Variants in PRKAR2A observed in about 807,000 individuals in gnomAD.
PRKAR2A encodes the protein cAMP-dependent protein kinase type II-alpha regulatory subunit.
In PRKAR2A, 29 loss-of-function variants were observed where a neutral mutation model predicts 51.9. The observed-to-expected ratio is 0.56, with a 90% CI of 0.42 to 0.76. The LOEUF (loss-of-function observed/expected upper bound fraction) is 0.76. PRKAR2A is among the 30% of genes least tolerant of loss of function. The pLI is 0.00. For synonymous variants in PRKAR2A, 178 were observed against 186.2 expected (o/e 0.96, Z 0.36); for missense variants, 445 against 512.1 (o/e 0.87, Z 1.26).
In PRKAR2A at chr3:48,766,049, G is replaced by A. The variant is rs542346273; in HGVS notation, c.697-700C>T. Among the ~76,000 whole-genome samples the A allele has an allele frequency of 8.6e-5, 13 of 151,896 alleles. No individual in the cohort carries two copies. The South Asian group carries it at 2.7e-3, about 32-fold the overall frequency. ...CAGCCTAGGCAACATGGTGAAACAC[G>A]CTCTCTACGAAAAAATACACAAAAA... On this transcript the variant is annotated intron_variant, in intron 6 of 10. Transcript: ENST00000265563.
intron 1 of PRKAR2A, among the ~76,000 whole-genome samples, chr3:48,834,013 C>T (rs1380104492): frequency 7.6e-6 from 1 of 131,670 alleles, no homozygotes; most frequent in Non-Finnish European, 1.6e-5. Context: ...CCAGGCTGGG[C>T]AACAAAGCAA....
At chr3:48,823,107 T>C (rs2082996583) in intron 1 of PRKAR2A, among the ~76,000 whole-genome samples, 1 of 151,940 alleles carries the variant, frequency 6.6e-6, no homozygotes, top group Non-Finnish European at 1.5e-5. Flanking sequence ...GGTCTCACCA[T>C]GTTGTCCAGG....
intron 1 of PRKAR2A, among the ~76,000 whole-genome samples, chr3:48,811,381 G>A (rs2082767710): frequency 6.6e-6 from 1 of 152,110 alleles, no homozygotes; most frequent in South Asian, 2.1e-4. Context: ...ATGCTGAGGT[G>A]GGAGGATGGC....
rs569463571 is a variant in PRKAR2A, at chr3:48,818,244, A to T, written c.263-10560T>A. Among the ~76,000 whole-genome samples the T allele has an allele frequency of 1.6e-4, 24 of 152,346 alleles. No individual in the cohort carries two copies. The South Asian group carries it at 5.0e-3, about 32-fold the overall frequency. ...TCCTGTTAAAAGCAAAAATCAGCCT[A>T]TTAAGAAACCAAAAGCCGAAGAGCT... On this transcript the variant is annotated intron_variant, in intron 1 of 10. Coordinates refer to ENST00000265563, the MANE Select transcript of PRKAR2A (RefSeq NM_004157.4).
intron 1 of PRKAR2A, among the ~76,000 whole-genome samples, chr3:48,836,419 T>TAAAAAAAAAAAAAAAAAAAAAAAAAAAAA (rs548970318): frequency 8.9e-5 from 5 of 56,094 alleles, no homozygotes; most frequent in Non-Finnish European, 1.3e-4. Flanking sequence ...AGACTCCGTC[T>TAAAAAAAAAAAAAAAAAAAAAAAAAAAAA]AAAAAAAAAA....
intron 1 of PRKAR2A, among the ~76,000 whole-genome samples, chr3:48,822,164 T>C (rs750454067): frequency 2.7e-5 from 4 of 149,070 alleles, no homozygotes; most frequent in East Asian, 2.0e-4. Flanking sequence ...TGAGCCAAGA[T>C]TGCACCATTG....
intron 6 of PRKAR2A, 138 bp downstream of exon 6, chr3:48,772,817 A>G: frequency 1.1e-6 from 1 of 908,058 alleles, no homozygotes; most frequent in Non-Finnish European, 1.5e-6. Context: ...TTTTTTTTGT[A>G]TTTTTTAGTA....
intron 6 of PRKAR2A, among the ~76,000 whole-genome samples, chr3:48,768,256 T>C (rs1156819347): frequency 1.3e-5 from 2 of 151,688 alleles, no homozygotes; most frequent in Non-Finnish European, 2.9e-5. Context: ...AGAGCACCAC[T>C]GCACTCCAGC....
chr3:48,812,514 A>T (rs2082791373), intron 1 of PRKAR2A, among the ~76,000 whole-genome samples: 1 of 140,938 alleles, frequency 7.1e-6, no homozygotes, highest in African/African-American at 2.7e-5. Flanking sequence ...CGAGACTCTC[A>T]CTCTGTCGCC....
Position 48,772,947 on chromosome 3 carries a change from T to C in PRKAR2A, c.696+8A>G. The C allele has an allele frequency of 6.2e-7, 1 of 1,608,226 alleles. No homozygotes were observed. Among genetic ancestry groups the C allele is most frequent in the Non-Finnish European group, 8.5e-7 (1 of 1,177,114 alleles). ...TGCCTTGCAAGGGGAACGATTTCTC[T>C]CACTCACCAGTCCCCAAAGGGAGCC... On this transcript the variant is annotated splice_region_variant and intron_variant, in intron 6 of 10. Coordinates refer to ENST00000265563, the MANE Select transcript of PRKAR2A (RefSeq NM_004157.4).
intron 6 of PRKAR2A, among the ~76,000 whole-genome samples, chr3:48,770,785 C>T (rs929367911): frequency 3.9e-5 from 6 of 152,192 alleles, no homozygotes; most frequent in African/African-American, 1.2e-4. Context: ...ATTCTGTGAA[C>T]ACCCACCTTG....
intron 1 of PRKAR2A, among the ~76,000 whole-genome samples, chr3:48,831,156 T>G (rs923381047): frequency 1.3e-5 from 2 of 152,160 alleles, no homozygotes; most frequent in Non-Finnish European, 1.5e-5. Flanking sequence ...TAGGTTTGTT[T>G]ACACCAGCAT....
chr3:48,801,741 T>C (rs943124136), intron 2 of PRKAR2A, among the ~76,000 whole-genome samples: 1 of 151,620 alleles, frequency 6.6e-6, no homozygotes, highest in Non-Finnish European at 1.5e-5. Context: ...TTTTTGTATT[T>C]TTTTGTTTGT....
At chr3:48,782,187 T>C (rs2082208134) in intron 5 of PRKAR2A, among the ~76,000 whole-genome samples, 1 of 152,018 alleles carries the variant, frequency 6.6e-6, no homozygotes, top group South Asian at 2.1e-4. Flanking sequence ...GATACTAAAC[T>C]CAAGAGGTTA....
intron 4 of PRKAR2A, among the ~76,000 whole-genome samples, chr3:48,787,701 T>C (rs966561366): frequency 6.6e-6 from 1 of 152,224 alleles, no homozygotes; most frequent in Non-Finnish European, 1.5e-5. Context: ...CAGCCTTTCC[T>C]TGAGCTCATG....
chr3:48,756,472 G>A, intron 8 of PRKAR2A, 28 bp from the exon 9 acceptor site: 1 of 1,541,216 alleles, frequency 6.5e-7, no homozygotes. Flanking sequence ...TCAGGTCAGA[G>A]CCATAAGTAG....
intron 3 of PRKAR2A, among the ~76,000 whole-genome samples, chr3:48,792,182 C>T (rs886528512): frequency 6.6e-6 from 1 of 151,394 alleles, no homozygotes; most frequent in African/African-American, 2.4e-5. Context: ...CGCTCTGTTG[C>T]CCAGGTTGGA....
intron 1 of PRKAR2A, among the ~76,000 whole-genome samples, chr3:48,811,701 A>C (rs2082772989): frequency 6.9e-6 from 1 of 145,576 alleles, no homozygotes; most frequent in Non-Finnish European, 1.5e-5. Context: ...TTCTGAGGGA[A>C]TGAAAAGATT....
intron 9 of PRKAR2A, among the ~76,000 whole-genome samples, chr3:48,755,128 C>T (rs1048578421): frequency 2.0e-5 from 3 of 151,056 alleles, no homozygotes; most frequent in African/African-American, 7.3e-5. Context: ...TCCCGAGTAG[C>T]TGGGACTACA....
Sources: allele counts gnomAD v4.1 joint callset (sites outside exome capture counted in the v4.1 genomes callset), GRCh38; gene constraint gnomAD v4.1.1; transcripts MANE v1.5; gene names NCBI Gene and HGNC (gene_info 2026-07-23, HGNC 2026-07-21).